Variants in SCRN1 observed in about 807,000 individuals in gnomAD.
SCRN1 encodes the protein secernin 1, also known as secernin-1.
In SCRN1, 19 loss-of-function variants were observed where a neutral mutation model predicts 43.3. The observed-to-expected ratio is 0.44, with a 90% confidence interval of 0.31 to 0.64. The LOEUF (loss-of-function observed/expected upper bound fraction) is 0.64. SCRN1 is among the 30% of genes least tolerant of loss of function. The probability of loss-of-function intolerance (pLI) is 0.09; values close to 1 mark genes in which losing one functional copy is unlikely to be tolerated. For missense variants in SCRN1, 447 were observed against 524.1 expected, an observed-to-expected ratio of 0.85 and a Z score of 1.44; for synonymous variants, 183 against 188.9, an observed-to-expected ratio of 0.97 and a Z score of 0.26.
At chr7:29,959,580 T>C (rs949465931) in intron 2 of SCRN1, among the ~76,000 whole-genome samples, 16 of 152,170 alleles carry the variant, frequency 1.1e-4, no homozygotes, top group African/African-American at 3.9e-4. Context: ...TGTTTGTTTT[T>C]ATTTTATTTT....
chr7:29,936,103 A>G (rs996908259), intron 6 of SCRN1, among the ~76,000 whole-genome samples: 1 of 152,166 alleles, frequency 6.6e-6, no homozygotes, highest in Admixed American at 6.5e-5. Flanking sequence ...TTCAATCTGT[A>G]TTGCCTCCGA....
At chr7:29,964,165 T>C (rs1294638357) in intron 2 of SCRN1, among the ~76,000 whole-genome samples, 1 of 152,236 alleles carries the variant, frequency 6.6e-6, no homozygotes, top group Non-Finnish European at 1.5e-5. Flanking sequence ...TTTTAAAATG[T>C]CTTTAGCCAA....
rs576233723 is a variant in SCRN1 at position 29,960,115 on chromosome 7, A to G, written c.160-4755T>C. 7.2e-5 allele frequency among the ~76,000 whole-genome samples: 11 copies of G among 152,224 alleles called. No individual in the cohort carries two copies. The East Asian group carries it at 2.1e-3, about 29-fold the overall frequency. On this transcript the variant is annotated intron_variant, in intron 2 of 7. Transcript: ENST00000242059. ...TGACTTGTACTTTCCTATTGTAAGA[A>G]ATAACTTTCAGAATTAAAATTCAGC...
chr7:29,942,995 G>A (rs1354562991), intron 4 of SCRN1, among the ~76,000 whole-genome samples: 1 of 152,018 alleles, frequency 6.6e-6, no homozygotes, highest in East Asian at 1.9e-4. Context: ...TTCTAACTCG[G>A]GTCAAATTTG....
At chr7:29,969,141 T>C in intron 1 of SCRN1, 73 bp from the exon 2 acceptor site, 1 of 1,523,682 alleles carries the variant, frequency 6.6e-7, no homozygotes, top group Non-Finnish European at 8.9e-7. Context: ...TCTTCAAACA[T>C]ATTTCACCAG....
intron 3 of SCRN1, among the ~76,000 whole-genome samples, chr7:29,949,410 G>A (rs1413249451): frequency 4.5e-5 from 6 of 134,598 alleles, no homozygotes; most frequent in East Asian, 4.4e-4. Flanking sequence ...ACAGGATCTC[G>A]TTCTGTGACC....
intron 6 of SCRN1, among the ~76,000 whole-genome samples, chr7:29,932,651 CAAAAAAAAAAAAAA>C (rs1162835669): frequency 0.06 from 479 of 8,040 alleles, 21 homozygotes; most frequent in East Asian, 0.33. Context: ...GATTCCATCT[CAAAAAAAAAAAAAA>C]AAAAAAAAAA....
At chr7:29,982,548 T>G (rs1040961356) in intron 1 of SCRN1, among the ~76,000 whole-genome samples, 2 of 151,852 alleles carry the variant, frequency 1.3e-5, no homozygotes, top group African/African-American at 4.8e-5. Context: ...TCAGGTGTAG[T>G]GGTGTACACT....
chr7:29,940,970 C>T (rs1166068039), intron 4 of SCRN1, 94 bp from the exon 5 acceptor site: 2 of 1,012,494 alleles, frequency 2.0e-6, no homozygotes, highest in African/African-American at 1.7e-5. Flanking sequence ...TCCTGAAACA[C>T]TGACTTTAAC....
intron 2 of SCRN1, among the ~76,000 whole-genome samples, chr7:29,963,834 C>G (rs897385869): frequency 6.6e-6 from 1 of 152,146 alleles, no homozygotes; most frequent in Non-Finnish European, 1.5e-5. Flanking sequence ...AGGACAATCT[C>G]TATAGAAAAA....
In SCRN1 at chr7:29,961,818, G is replaced by T. The variant is rs1288089269; in HGVS notation, c.160-6458C>A. On this transcript the variant is annotated intron_variant, in intron 2 of 7. Transcript: ENST00000242059. The stretch of plus-strand genomic sequence containing the variant: ...CCTCCCGGACGGAGCGGCTGGCCGG[G>T]CGGGGGGCTGACCCCCCCACTGGAG... Among the ~76,000 whole-genome samples the T allele has an allele frequency of 3.3e-5, 5 of 151,250 alleles. No individual in the cohort carries two copies. The South Asian group carries it at 8.5e-4, about 26-fold the overall frequency.
Position 29,922,552 on chromosome 7 carries a change from T to C in SCRN1, c.*1405A>G, listed in dbSNP as rs1786802974. The C allele has an allele frequency of 6.6e-6, 1 of 152,268 alleles. No individual in the cohort carries two copies. The highest frequency in any genetic ancestry group is 1.5e-5 in the Non-Finnish European group (1 of 68,060). 9.4% of individuals were successfully genotyped at this position (152,268 alleles called of 1,614,324 possible). A position where few individuals can be genotyped will look rare whatever the true frequency, so the allele number is the denominator to read the frequency against. On this transcript the variant is annotated 3_prime_UTR_variant, in exon 8 of 8. Transcript: ENST00000242059. ...TAGCTGCTGTATTTACATACACTTC[T>C]GTTCATCATCTCTGCCCGTTTCAGG... is the stretch of plus-strand genomic sequence containing the variant.
intron 3 of SCRN1, among the ~76,000 whole-genome samples, chr7:29,949,909 C>T (rs1019657191): frequency 6.6e-6 from 1 of 152,214 alleles, no homozygotes; most frequent in African/African-American, 2.4e-5. Context: ...CTCCTGGGCT[C>T]AAGTGATCCT....
At chr7:29,983,082 C>T (rs1789041599) in intron 1 of SCRN1, among the ~76,000 whole-genome samples, 2 of 151,906 alleles carry the variant, frequency 1.3e-5, no homozygotes, top group African/African-American at 4.8e-5. Context: ...CGTGATCCGC[C>T]CACCTCGGCC....
chr7:29,946,720 C>T (rs1583666353), intron 3 of SCRN1, among the ~76,000 whole-genome samples: 1 of 152,208 alleles, frequency 6.6e-6, no homozygotes, highest in East Asian at 1.9e-4. Context: ...TCCCTTGTGC[C>T]AGGACCATGG....
At chr7:29,951,237 G>A (rs1787909577) in intron 3 of SCRN1, among the ~76,000 whole-genome samples, 1 of 152,256 alleles carries the variant, frequency 6.6e-6, no homozygotes, top group Non-Finnish European at 1.5e-5. Flanking sequence ...GCTAGTGCCT[G>A]TGCCAACGCC....
chr7:29,983,927 C>A (rs1469460945), intron 1 of SCRN1, among the ~76,000 whole-genome samples: 5 of 152,068 alleles, frequency 3.3e-5, no homozygotes, highest in Admixed American at 6.6e-5. Flanking sequence ...TGAGATTGGC[C>A]AGGCGCAGTG....
In SCRN1 at chr7:29,923,898, T is replaced by G. The variant is rs1192647159; in HGVS notation, c.*59A>C. The stretch of plus-strand genomic sequence containing the variant: ...ACTCAAACAGGAGAGTGGTTTGTTT[T>G]GCTGGTAATTTAGTAAGGTGGGAAG... On this transcript the variant is annotated 3_prime_UTR_variant, in exon 8 of 8. Coordinates refer to ENST00000242059, the MANE Select transcript of SCRN1 (RefSeq NM_014766.5). The G allele has an allele frequency of 1.3e-5, 20 of 1,524,928 alleles. No individual in the cohort carries two copies. The highest frequency in any genetic ancestry group is 1.8e-5 in the Non-Finnish European group (20 of 1,131,132). 94.5% of individuals were successfully genotyped at this position (1,524,928 alleles called of 1,614,324 possible).
chr7:29,924,463 C>T (rs917928684), intron 7 of SCRN1, among the ~76,000 whole-genome samples: 4 of 152,228 alleles, frequency 2.6e-5, no homozygotes, highest in Admixed American at 6.5e-5. Flanking sequence ...GCTGCTGTCT[C>T]GCCCCTGCAC....
Sources: allele counts gnomAD v4.1 joint callset (sites outside exome capture counted in the v4.1 genomes callset), GRCh38; gene constraint gnomAD v4.1.1; transcripts MANE v1.5; gene names NCBI Gene and HGNC (gene_info 2026-07-23, HGNC 2026-07-21).